The following DSCAML1 variants were observed in gnomAD, a reference collection of about 807,000 sequenced individuals.
The protein encoded by DSCAML1 is cell adhesion molecule DSCAML1.
A neutral mutation model predicts 200.5 loss-of-function variants in DSCAML1; 38 were observed. The observed-to-expected ratio is 0.19, with a 90% confidence interval of 0.15 to 0.25. DSCAML1 has a LOEUF of 0.25. DSCAML1 is among the 10% of genes least tolerant of loss of function. The probability of loss-of-function intolerance (pLI) is 1.00; values close to 1 mark genes in which losing one functional copy is unlikely to be tolerated. For missense variants in DSCAML1, 2,223 were observed against 2,858.8 expected (o/e 0.78, Z 5.07); for synonymous variants, 1,215 against 1,165.0 (o/e 1.04, Z -0.87).
chr11:117,671,547 T>C (rs114365106), intron 3 of DSCAML1, among the ~76,000 whole-genome samples: 67 of 152,190 alleles, frequency 4.4e-4, no homozygotes, highest in Non-Finnish European at 7.9e-4. Flanking sequence ...TACCAAAGGA[T>C]TGTGTTCCAA....
At chr11:117,645,404 A>G (rs2052501982) in intron 3 of DSCAML1, among the ~76,000 whole-genome samples, 2 of 152,130 alleles carry the variant, frequency 1.3e-5, no homozygotes, top group African/African-American at 2.4e-5. Context: ...TGGGACTGGA[A>G]CCATGAGAGC....
chr11:117,525,070 C>G lies in DSCAML1; in HGVS notation c.672G>C (p.Ser224=), dbSNP rs781117478. 4.7e-5 allele frequency: 73 copies of G among 1,566,914 alleles called. 1 individual carries two copies. In the South Asian group the frequency reaches 8.2e-4, roughly 18 times the overall value. Residue 224 remains serine (S), a synonymous_variant, in exon 5 of 33, where the codon TCG becomes TCC. Coordinates refer to ENST00000651296, the MANE Select transcript of DSCAML1 (RefSeq NM_020693.4). ...ARLSVTDPAE[S]IPTILDGFHS... is the part of the protein sequence containing the mutation. ...GGAAGCCATCCAGGATGGTGGGGAT[C>G]GACTCAGCAGGGTCTGGAAGGCAGA... is the stretch of plus-strand genomic sequence containing the variant.
intron 3 of DSCAML1, among the ~76,000 whole-genome samples, chr11:117,614,879 G>T (rs936746084): frequency 4.6e-5 from 7 of 152,206 alleles, no homozygotes; most frequent in African/African-American, 1.7e-4. Flanking sequence ...CCCCCTCACA[G>T]TGTGGCCAAC....
intron 23 of DSCAML1, 63 bp from the exon 24 acceptor site, chr11:117,439,046 T>TC (rs1410177384): frequency 6.8e-7 from 1 of 1,477,258 alleles, no homozygotes; most frequent in South Asian, 1.3e-5. Flanking sequence ...GTGTGGGGAG[T>TC]CCCCCCGTGA....
At chr11:117,433,417 A>G (rs780846692) in intron 28 of DSCAML1, 24 bp downstream of exon 28, 3 of 1,613,174 alleles carry the variant, frequency 1.9e-6, no homozygotes, top group Middle Eastern at 1.7e-4. Context: ...GGGAGGAGAA[A>G]GGAAGCAGCT....
intron 8 of DSCAML1, among the ~76,000 whole-genome samples, chr11:117,507,058 G>A (rs184771315): frequency 6.6e-5 from 10 of 151,764 alleles, no homozygotes; most frequent in East Asian, 5.8e-4. Flanking sequence ...AGCCTGAGTC[G>A]ATGTGAGATG....
rs575709888 is a variant in DSCAML1 at position 117,739,368 on chromosome 11, G to C, written c.511+37423C>G. On this transcript the variant is annotated intron_variant, in intron 3 of 32. Coordinates refer to ENST00000651296, the MANE Select transcript of DSCAML1 (RefSeq NM_020693.4). Reference sequence around the variant, plus strand: ...CAAACCTACTCAATCGGAAACTCTGGGGTTGGGGCCCTGCAATTTGTGCTT... The same window carrying C: ...CAAACCTACTCAATCGGAAACTCTGCGGTTGGGGCCCTGCAATTTGTGCTT... Among the ~76,000 whole-genome samples, 14 of 152,286 alleles carry C rather than the reference G, an allele frequency of 9.2e-5. No homozygotes were observed. The South Asian group carries it at 2.7e-3, about 29-fold the overall frequency.
At chr11:117,658,126 C>T (rs1025419627) in intron 3 of DSCAML1, among the ~76,000 whole-genome samples, 2 of 152,140 alleles carry the variant, frequency 1.3e-5, no homozygotes, top group Non-Finnish European at 2.9e-5. Context: ...ACTGGAGTCA[C>T]AAGGCTGTCT....
chr11:117,457,955 G>A (rs1314804280), intron 19 of DSCAML1, among the ~76,000 whole-genome samples: 2 of 152,180 alleles, frequency 1.3e-5, no homozygotes, highest in Admixed American at 6.5e-5. Context: ...CGGGGCACCC[G>A]GCCCAGAGCA....
At chr11:117,797,457 C>G (rs2134081606), upstream of DSCAML1, among the ~76,000 whole-genome samples, 1 of 152,358 alleles carries the variant, frequency 6.6e-6, no homozygotes, top group East Asian at 1.9e-4. Flanking sequence ...GGCTTGGAGC[C>G]TGTGGTCGCA....
intron 3 of DSCAML1, among the ~76,000 whole-genome samples, chr11:117,673,624 A>T (rs1393986714): frequency 6.6e-6 from 1 of 152,110 alleles, no homozygotes; most frequent in Admixed American, 6.6e-5. Flanking sequence ...GTAATGCCCA[A>T]ACCTCCTGCT....
At chr11:117,617,680 G>GCGCACACACACACACACA (rs1395796967) in intron 3 of DSCAML1, among the ~76,000 whole-genome samples, 11 of 143,012 alleles carry the variant, frequency 7.7e-5, no homozygotes, top group African/African-American at 2.6e-4. Context: ...ACAGGTACAC[G>GCGCACACACACACACACA]CACACACACA....
At position 117,438,925 on chromosome 11, in the gene DSCAML1, C is replaced by A. The variant is rs1431509480; in HGVS notation, c.4203G>T (p.Leu1401=). Residue 1401 remains leucine (L), a synonymous_variant, in exon 24 of 33, where the codon CTG becomes CTT. Transcript: ENST00000651296. ...VSKTSASSIT[L]TWIPGDNGGS... Reference sequence around the variant, plus strand: ...CCCCATTGTCACCTGGAATCCAGGTCAGGGTGATGGACGAAGCTGAGGTTT... The same window carrying A: ...CCCCATTGTCACCTGGAATCCAGGTAAGGGTGATGGACGAAGCTGAGGTTT... 6.2e-7 allele frequency: 1 copy of A among 1,609,232 alleles called. No homozygotes were observed. The highest frequency in any genetic ancestry group is 8.5e-7 in the Non-Finnish European group (1 of 1,178,098).
chr11:117,770,310 A>G (rs914001896), intron 3 of DSCAML1, among the ~76,000 whole-genome samples: 2 of 152,176 alleles, frequency 1.3e-5, no homozygotes, highest in South Asian at 2.1e-4. Context: ...CGGATCTATC[A>G]TCTATTTCCC....
intron 3 of DSCAML1, among the ~76,000 whole-genome samples, chr11:117,544,265 C>A (rs1252040289): frequency 6.6e-6 from 1 of 152,208 alleles, no homozygotes; most frequent in African/African-American, 2.4e-5. Context: ...TACAGGTTAC[C>A]AGTTGCTGCT....
At chr11:117,656,024 G>A (rs988372567) in intron 3 of DSCAML1, among the ~76,000 whole-genome samples, 4 of 152,320 alleles carry the variant, frequency 2.6e-5, no homozygotes, top group Middle Eastern at 3.4e-3. Context: ...GGCAGATCAC[G>A]AGGTCAGGAA....
At chr11:117,551,782 G>T (rs116625975) in intron 3 of DSCAML1, among the ~76,000 whole-genome samples, 1,968 of 142,720 alleles carry the variant, frequency 0.014, 37 homozygotes, top group African/African-American at 0.047. Flanking sequence ...GGCCTTGGTG[G>T]CCTGGCGGCT....
chr11:117,584,246 A>G (rs2051100937), intron 3 of DSCAML1, among the ~76,000 whole-genome samples: 1 of 152,102 alleles, frequency 6.6e-6, no homozygotes, highest in African/African-American at 2.4e-5. Context: ...TCTTTGTTCT[A>G]GCTCCATTTT....
At chr11:117,816,756 C>T (rs952534731) in intron 1 of DSCAML1, among the ~76,000 whole-genome samples, 1 of 148,928 alleles carries the variant, frequency 6.7e-6, no homozygotes, top group Non-Finnish European at 1.5e-5. Flanking sequence ...TTGGGGGCAC[C>T]CCTTCCTTGC....
Sources: allele counts gnomAD v4.1 joint callset (sites outside exome capture counted in the v4.1 genomes callset), GRCh38; gene constraint gnomAD v4.1.1; transcripts MANE v1.5; gene names NCBI Gene and HGNC (gene_info 2026-07-23, HGNC 2026-07-21).